UCHL5: variants seen among roughly 807,000 people sequenced by gnomAD.
UCHL5 encodes the protein ubiquitin carboxyl-terminal hydrolase isozyme L5.
Under a neutral mutation model 53.8 loss-of-function variants are expected in UCHL5, and 34 were observed. That is an observed-to-expected ratio of 0.63 (90% confidence interval 0.48 to 0.84). UCHL5 has a LOEUF of 0.84. Ranked by LOEUF, UCHL5 falls within the 40% of genes least tolerant of loss-of-function variation. The probability of loss-of-function intolerance (pLI) is 0.00; values close to 1 mark genes in which losing one functional copy is unlikely to be tolerated. For synonymous variants in UCHL5, 111 were observed against 126.3 expected (o/e 0.88, Z 0.81); for missense variants, 290 against 385.6 (o/e 0.75, Z 2.08).
intron 10 of UCHL5, chr1:193,018,832 A>C (rs1395542722): frequency 6.4e-7 from 1 of 1,562,834 alleles, no homozygotes; most frequent in African/African-American, 1.4e-5. Context: ...TGAAAACAAA[A>C]CACAGTAAGA....
chr1:193,039,456 G>A (rs1440920065), intron 3 of UCHL5, among the ~76,000 whole-genome samples: 1 of 151,838 alleles, frequency 6.6e-6, no homozygotes, highest in Admixed American at 6.6e-5. Context: ...TTTTACCAAA[G>A]AAGTGCAAGA....
chr1:193,057,007 A>C (rs1670818166), intron 1 of UCHL5, among the ~76,000 whole-genome samples: 1 of 152,234 alleles, frequency 6.6e-6, no homozygotes. Context: ...TGCACATATG[A>C]AATTGAAGGA....
intron 3 of UCHL5, among the ~76,000 whole-genome samples, chr1:193,041,490 A>G (rs1283530067): frequency 2.0e-5 from 3 of 152,188 alleles, no homozygotes; most frequent in African/African-American, 4.8e-5. Context: ...ACGTGTTATA[A>G]TATGTGGCTT....
At chr1:193,048,472 A>C (rs1668016335) in intron 3 of UCHL5, among the ~76,000 whole-genome samples, 1 of 152,264 alleles carries the variant, frequency 6.6e-6, no homozygotes, top group Admixed American at 6.5e-5. Context: ...TAAAAGATCC[A>C]TTTGAAGGGC....
At chr1:193,059,743 G>T, upstream of UCHL5, 1 of 1,354,816 alleles carries the variant, frequency 7.4e-7, no homozygotes, top group South Asian at 1.2e-5. The surrounding 1 kb of genome is among the most constrained non-coding windows in gnomAD (Gnocchi z 4.9). Flanking sequence ...TCCTGGCGGC[G>T]CTGCGGATCC....
intron 3 of UCHL5, among the ~76,000 whole-genome samples, chr1:193,045,828 C>T (rs1367076447): frequency 6.6e-6 from 1 of 152,028 alleles, no homozygotes; most frequent in Non-Finnish European, 1.5e-5. Flanking sequence ...TTTATAATGG[C>T]ATATATGCTT....
At position 193,032,166 on chromosome 1, in the gene UCHL5, T is replaced by C. The variant is rs1661678986; in HGVS notation, c.247-2509A>G. The stretch of plus-strand genomic sequence containing the variant: ...TTTGTAATCCCCAGACTAGAGAATT[T>C]CTTTTCAAAGCTTATACAAAAGAAG... On this transcript the variant is annotated intron_variant, in intron 3 of 10. Coordinates refer to ENST00000367454, the MANE Select transcript of UCHL5 (RefSeq NM_001199261.3). Among the ~76,000 whole-genome samples the C allele has an allele frequency of 2.6e-5, 4 of 152,168 alleles. No individual in the cohort carries two copies. In the South Asian group the frequency reaches 8.3e-4, roughly 32 times the overall value.
At position 193,013,622 on chromosome 1, in the gene UCHL5, T is replaced by C. The variant is rs2102208996; in HGVS notation, c.*2729A>G. Reference sequence around the variant, plus strand: ...TTATCTGTTTTCTCTAAATGGTTTTTGAGGAGAATACATTAAAAGCCCTTT... The same window carrying C: ...TTATCTGTTTTCTCTAAATGGTTTTCGAGGAGAATACATTAAAAGCCCTTT... On this transcript the variant is annotated 3_prime_UTR_variant, in exon 11 of 11. Coordinates refer to ENST00000367454, the MANE Select transcript of UCHL5 (RefSeq NM_001199261.3). The C allele has an allele frequency of 6.6e-6, 1 of 152,294 alleles. No homozygotes were observed. Among genetic ancestry groups the C allele is most frequent in the East Asian group, 1.9e-4 (1 of 5,188 alleles). The allele number at this position is 152,294 out of a possible 1,614,324, so 9.4% of individuals were successfully genotyped here.
intron 3 of UCHL5, among the ~76,000 whole-genome samples, chr1:193,036,482 A>G (rs933216879): frequency 3.3e-5 from 5 of 152,160 alleles, no homozygotes; most frequent in African/African-American, 1.2e-4. Flanking sequence ...GTATACGCCT[A>G]ACACCTGAGT....
chr1:193,032,006 C>A (rs1309885046), intron 3 of UCHL5, among the ~76,000 whole-genome samples: 1 of 152,120 alleles, frequency 6.6e-6, no homozygotes, highest in Non-Finnish European at 1.5e-5. Flanking sequence ...TGACCCAGAA[C>A]CTTAAGAGTT....
chr1:193,052,979 T>C (rs1338732321), intron 1 of UCHL5, among the ~76,000 whole-genome samples: 1 of 152,090 alleles, frequency 6.6e-6, no homozygotes, highest in African/African-American at 2.4e-5. Flanking sequence ...GAAAAAAAAG[T>C]TGGGTAAACT....
chr1:193,017,434 C>T (rs900819812), intron 10 of UCHL5, among the ~76,000 whole-genome samples: 15 of 151,586 alleles, frequency 9.9e-5, no homozygotes, highest in African/African-American at 3.6e-4. Flanking sequence ...TGAATAAGAG[C>T]AAATAGTCTG....
intron 3 of UCHL5, among the ~76,000 whole-genome samples, chr1:193,048,242 G>C (rs2102806242): frequency 6.6e-6 from 1 of 152,280 alleles, no homozygotes; most frequent in African/African-American, 2.4e-5. Context: ...CTGTGGCTTT[G>C]TGAACAAACA....
At chr1:193,046,872 A>G (rs1430004867) in intron 3 of UCHL5, among the ~76,000 whole-genome samples, 3 of 151,742 alleles carry the variant, frequency 2.0e-5, no homozygotes, top group African/African-American at 7.2e-5. Flanking sequence ...TAATAATCCA[A>G]TTTTAGCAAA....
intron 1 of UCHL5, among the ~76,000 whole-genome samples, chr1:193,054,509 G>A (rs1226066130): frequency 6.6e-6 from 1 of 152,120 alleles, no homozygotes; most frequent in Admixed American, 6.5e-5. Flanking sequence ...AGGAAAAACT[G>A]GATTGACAGC....
At chr1:193,018,854 A>G in intron 10 of UCHL5, 1 of 1,545,594 alleles carries the variant, frequency 6.5e-7, no homozygotes, top group East Asian at 2.4e-5. Flanking sequence ...CCACTATTCC[A>G]ACTTATCTAT....
At chr1:193,060,073 G>A, upstream of UCHL5, 5 of 1,304,646 alleles carry the variant, frequency 3.8e-6, no homozygotes, top group South Asian at 1.3e-5. Flanking sequence ...CCGACGTCGA[G>A]AGGGCCTGCT....
Position 193,015,330 on chromosome 1 carries a change from T to C in UCHL5, c.*1021A>G, listed in dbSNP as rs12085958. 51 of 152,094 alleles carry C rather than the reference T, an allele frequency of 3.4e-4. No homozygotes were observed. The East Asian group carries it at 6.4e-3, about 19-fold the overall frequency. The allele number at this position is 152,094 out of a possible 1,614,324, so 9.4% of individuals were successfully genotyped here. On this transcript the variant is annotated 3_prime_UTR_variant, in exon 11 of 11. Transcript: ENST00000367454. ...GAAATATTCTTGATAAAGAAAAAAG[T>C]AGGTTACTTCCTTTAAAAAAGAAAG...
intron 3 of UCHL5, among the ~76,000 whole-genome samples, chr1:193,029,921 T>C (rs3818865): frequency 0.75 from 114,619 of 152,064 alleles, 43,441 homozygotes; most frequent in Middle Eastern, 0.78. Context: ...GGTAACAAGA[T>C]CAATCATCCT....
Sources: gnomAD v4.1 joint callset for allele counts (sites outside exome capture counted in the v4.1 genomes callset) on GRCh38, gnomAD v4.1.1 for gene constraint, Gnocchi (gnomAD v3.1) non-coding constraint, MANE v1.5 for transcripts, NCBI Gene and HGNC (gene_info 2026-07-23, HGNC 2026-07-21) for gene names.